PARD3: variants seen among roughly 807,000 people sequenced by gnomAD.
PARD3 encodes par-3 family cell polarity regulator.
A neutral mutation model predicts 155.4 loss-of-function variants in PARD3; 75 were observed. The observed-to-expected ratio is 0.48, with a 90% CI of 0.40 to 0.58. The LOEUF is 0.58. PARD3 is among the 20% of genes least tolerant of loss of function. PARD3 has a pLI of 0.00. For missense variants in PARD3, 1,642 were observed against 1,721.7 expected (o/e 0.95, Z 0.82); for synonymous variants, 576 against 610.5 (o/e 0.94, Z 0.83).
At chr10:34,384,095 A>C in intron 8 of PARD3, 34 bp downstream of exon 8, 1 of 1,604,892 alleles carries the variant, frequency 6.2e-7, no homozygotes, top group Non-Finnish European at 8.5e-7. Context: ...GCCTAATGCA[A>C]GTAAGAACAG....
chr10:34,540,641 G>A (rs367974055), intron 2 of PARD3, among the ~76,000 whole-genome samples: 3 of 152,092 alleles, frequency 2.0e-5, no homozygotes, highest in Non-Finnish European at 2.9e-5. Flanking sequence ...TTAGCCAGGC[G>A]TGGTGGCCAT....
chr10:34,227,574 G>A (rs1409317833), intron 22 of PARD3, among the ~76,000 whole-genome samples: 1 of 152,142 alleles, frequency 6.6e-6, no homozygotes, highest in Non-Finnish European at 1.5e-5. Context: ...GGAGGCAGAG[G>A]TTGCAGTGAG....
intron 1 of PARD3, among the ~76,000 whole-genome samples, chr10:34,747,173 G>A (rs1229801192): frequency 6.6e-6 from 1 of 152,148 alleles, no homozygotes; most frequent in Non-Finnish European, 1.5e-5. Context: ...AAAATCTAAT[G>A]TACATTTTCT....
intron 13 of PARD3, among the ~76,000 whole-genome samples, chr10:34,359,731 G>GAGTA (rs1564626541): frequency 6.6e-6 from 1 of 152,138 alleles, no homozygotes; most frequent in African/African-American, 2.4e-5. Context: ...CTGAGAAATA[G>GAGTA]AGTAAGTGAC....
At chr10:34,282,692 A>G (rs1170499678) in intron 21 of PARD3, among the ~76,000 whole-genome samples, 1 of 152,126 alleles carries the variant, frequency 6.6e-6, no homozygotes, top group Non-Finnish European at 1.5e-5. Context: ...TAAGTAAATT[A>G]CATATTTGCC....
At chr10:34,563,848 C>T (rs1330945126) in intron 2 of PARD3, among the ~76,000 whole-genome samples, 1 of 152,088 alleles carries the variant, frequency 6.6e-6, no homozygotes, top group East Asian at 1.9e-4. Flanking sequence ...TTAAAAAGAG[C>T]TAATTCATTA....
intron 24 of PARD3, among the ~76,000 whole-genome samples, chr10:34,116,303 T>G (rs1343739979): frequency 6.6e-6 from 1 of 152,268 alleles, no homozygotes; most frequent in Non-Finnish European, 1.5e-5. Flanking sequence ...TGTTTTATTT[T>G]ACGCTCCACT....
intron 3 of PARD3, among the ~76,000 whole-genome samples, chr10:34,483,506 G>A (rs868846541): frequency 0.07 from 9,944 of 142,238 alleles, 1,165 homozygotes; most frequent in African/African-American, 0.24. Context: ...AAAAGAGAGA[G>A]AAAAAAAAAC....
rs1318372238 is a variant in PARD3, at chr10:34,470,282, T to G, written c.404-19A>C. 6.5e-7 allele frequency: 1 copy of G among 1,529,110 alleles called. No homozygotes were observed. The highest frequency in any genetic ancestry group is 8.8e-7 in the Non-Finnish European group (1 of 1,133,532). The allele number at this position is 1,529,110 out of a possible 1,614,324, so 94.7% of individuals were successfully genotyped here. ...GGCATATCTGTAAACACAAAAGCAC[T>G]ATGCTGAAAAATAAGATACTAATGT... On this transcript the variant is annotated intron_variant, in intron 3 of 24. Transcript: ENST00000374788.
chr10:34,340,754 C>T (rs907215581), intron 16 of PARD3, among the ~76,000 whole-genome samples: 5 of 152,136 alleles, frequency 3.3e-5, no homozygotes, highest in African/African-American at 1.2e-4. Flanking sequence ...GTCCCCCAGA[C>T]ACCTCCTATC....
chr10:34,185,048 T>C (rs1340511590), intron 22 of PARD3, among the ~76,000 whole-genome samples: 1 of 152,220 alleles, frequency 6.6e-6, no homozygotes, highest in African/African-American at 2.4e-5. Flanking sequence ...TTTAAACAAA[T>C]GCTGTGTTTC....
intron 15 of PARD3, chr10:34,343,561 A>AT: frequency 1.0e-6 from 1 of 985,290 alleles, no homozygotes; most frequent in Non-Finnish European, 1.2e-6. Flanking sequence ...TTGAAAACCC[A>AT]TATTTTCCAC....
Position 34,331,113 on chromosome 10 carries a change from T to G in PARD3, c.2833+4A>C. ...TATTATTCTTTCAGCCATTATAAAC[T>G]TACAGGTCTCCATGCCTTCATCATC... On this transcript the variant is annotated splice_donor_region_variant and intron_variant, in intron 19 of 24. Transcript: ENST00000374788. The G allele has an allele frequency of 2.5e-6, 4 of 1,607,222 alleles. No homozygotes were observed. The highest frequency in any genetic ancestry group is 3.4e-6 in the Non-Finnish European group (4 of 1,173,712).
At chr10:34,521,279 C>T (rs937374121) in intron 2 of PARD3, among the ~76,000 whole-genome samples, 101 of 150,408 alleles carry the variant, frequency 6.7e-4, no homozygotes, top group African/African-American at 2.4e-3. Context: ...GTGCCAGGTC[C>T]CAATATGAAA....
chr10:34,394,538 C>A (rs764741331), intron 7 of PARD3, among the ~76,000 whole-genome samples: 6 of 152,148 alleles, frequency 3.9e-5, no homozygotes, highest in African/African-American at 1.2e-4. Flanking sequence ...GTTGCCAAGA[C>A]TGGACTTGAA....
chr10:34,213,533 C>T (rs918374694), intron 22 of PARD3, among the ~76,000 whole-genome samples: 2 of 152,178 alleles, frequency 1.3e-5, no homozygotes, highest in Non-Finnish European at 2.9e-5. Flanking sequence ...TTACATTCCA[C>T]TCAGGCCTGG....
intron 5 of PARD3, among the ~76,000 whole-genome samples, chr10:34,422,991 T>C (rs930652836): frequency 2.6e-5 from 4 of 152,202 alleles, no homozygotes; most frequent in African/African-American, 7.2e-5. Context: ...ACATGTTTAT[T>C]ACAGCACTAT....
At chr10:34,748,933 T>C (rs764749796) in intron 1 of PARD3, among the ~76,000 whole-genome samples, 4 of 152,224 alleles carry the variant, frequency 2.6e-5, no homozygotes. Context: ...AGAGTGCCCC[T>C]GGGCCACAGG....
chr10:34,348,799 A>G (rs1837697962), intron 14 of PARD3, among the ~76,000 whole-genome samples: 1 of 152,230 alleles, frequency 6.6e-6, no homozygotes, highest in Non-Finnish European at 1.5e-5. Flanking sequence ...CTAATAAAGC[A>G]CACCAAGATA....
Sources: gnomAD v4.1 joint callset for allele counts (sites outside exome capture counted in the v4.1 genomes callset) on GRCh38, gnomAD v4.1.1 for gene constraint, MANE v1.5 for transcripts, NCBI Gene and HGNC (gene_info 2026-07-23, HGNC 2026-07-21) for gene names.